The following GRIK1 variants were observed in gnomAD, a reference collection of about 807,000 sequenced individuals.
The protein encoded by GRIK1 is glutamate ionotropic receptor kainate type subunit 1, also known as glutamate receptor ionotropic, kainate 1.
GRIK1 carries 69 observed loss-of-function variants against 105.7 expected under a neutral mutation model. The observed-to-expected ratio is 0.65, with a 90% CI of 0.54 to 0.80. The LOEUF (loss-of-function observed/expected upper bound fraction) is 0.80. GRIK1 is among the 30% of genes least tolerant of loss of function. GRIK1 has a pLI of 0.00. For missense variants in GRIK1, 1,109 were observed against 1,167.3 expected (o/e 0.95, Z 0.73); for synonymous variants, 438 against 431.3 (o/e 1.02, Z -0.19).
chr21:29,750,195 G>A (rs1569046209), intron 1 of GRIK1, among the ~76,000 whole-genome samples: 1 of 151,036 alleles, frequency 6.6e-6, no homozygotes, highest in Non-Finnish European at 1.5e-5. Context: ...CCTATTTTTA[G>A]TTCCTTCTCT....
chr21:29,540,572 C>T (rs1283395081), intron 16 of GRIK1, among the ~76,000 whole-genome samples: 1 of 152,104 alleles, frequency 6.6e-6, no homozygotes. Flanking sequence ...CCCAGAGTGG[C>T]TTGGGAGGGG....
chr21:29,590,421 T>C (rs1457248098), intron 10 of GRIK1, among the ~76,000 whole-genome samples: 2 of 152,172 alleles, frequency 1.3e-5, no homozygotes, highest in East Asian at 3.8e-4. Context: ...CCGGTAGCTG[T>C]ACAGTGGCTG....
At chr21:29,704,571 G>C (rs570379322) in intron 1 of GRIK1, among the ~76,000 whole-genome samples, 1 of 152,220 alleles carries the variant, frequency 6.6e-6, no homozygotes, top group East Asian at 1.9e-4. Flanking sequence ...CCAGTAAATG[G>C]TCCTTCAGTT....
chr21:29,745,391 C>T (rs908520500), intron 1 of GRIK1, among the ~76,000 whole-genome samples: 5 of 152,194 alleles, frequency 3.3e-5, no homozygotes, highest in Non-Finnish European at 5.9e-5. Context: ...AAGCTATGCC[C>T]AGATTCCTCA....
chr21:29,795,163 G>T (rs1249185975), intron 1 of GRIK1, among the ~76,000 whole-genome samples: 1 of 149,586 alleles, frequency 6.7e-6, no homozygotes, highest in Non-Finnish European at 1.5e-5. Flanking sequence ...AGCCTCCTCA[G>T]TAGCTGGGAT....
In GRIK1 at chr21:29,854,180, C is replaced by T. The variant is rs150636828; in HGVS notation, c.118+85203G>A. ...GGTAGAAGGGGAAGGGGAGCTGCATCACATGGCAAGAGAGGAGGAAAGAGA... is the reference window on the plus strand; with the variant it reads ...GGTAGAAGGGGAAGGGGAGCTGCATTACATGGCAAGAGAGGAGGAAAGAGA... On this transcript the variant is annotated intron_variant, in intron 1 of 17. Coordinates refer to ENST00000327783, the MANE Select transcript of GRIK1 (RefSeq NM_001330994.2). 2.5e-3 allele frequency among the ~76,000 whole-genome samples: 381 copies of T among 152,176 alleles called. 2 individuals are homozygous for T. Among genetic ancestry groups the T allele is most frequent in the African/African-American group, 8.9e-3 (369 of 41,514 alleles).
At chr21:29,844,816 C>T (rs927894608) in intron 1 of GRIK1, among the ~76,000 whole-genome samples, 6 of 152,096 alleles carry the variant, frequency 3.9e-5, no homozygotes, top group Non-Finnish European at 5.9e-5. Flanking sequence ...TTGATCTTGG[C>T]TCTATTCTTT....
chr21:29,755,381 C>T (rs890868925), intron 1 of GRIK1, among the ~76,000 whole-genome samples: 1 of 152,222 alleles, frequency 6.6e-6, no homozygotes, highest in Admixed American at 6.5e-5. Flanking sequence ...CAACATGGAA[C>T]ACCATTTATC....
intron 15 of GRIK1, among the ~76,000 whole-genome samples, chr21:29,557,472 A>G (rs1258137046): frequency 1.3e-5 from 2 of 152,188 alleles, no homozygotes; most frequent in East Asian, 3.9e-4. Context: ...TGTTTTCACG[A>G]CAGTGTTCCC....
intron 7 of GRIK1, among the ~76,000 whole-genome samples, chr21:29,641,562 GTGGAA>G (rs2062511002): frequency 1.3e-5 from 2 of 152,180 alleles, no homozygotes; most frequent in African/African-American, 4.8e-5. Flanking sequence ...ATCAGTGTTA[GTGGAA>G]CTAAGATTTA....
At chr21:29,741,731 A>G (rs1601578118) in intron 1 of GRIK1, among the ~76,000 whole-genome samples, 1 of 152,202 alleles carries the variant, frequency 6.6e-6, no homozygotes, top group African/African-American at 2.4e-5. Flanking sequence ...TTTTTATTAA[A>G]CTGCCATATT....
At chr21:29,867,702 G>A (rs2068845312) in intron 1 of GRIK1, among the ~76,000 whole-genome samples, 1 of 152,074 alleles carries the variant, frequency 6.6e-6, no homozygotes, top group Non-Finnish European at 1.5e-5. Flanking sequence ...GCTGAGGCAG[G>A]AGAATCTCTT....
At chr21:29,734,142 A>G (rs1277516843) in intron 1 of GRIK1, among the ~76,000 whole-genome samples, 1 of 152,122 alleles carries the variant, frequency 6.6e-6, no homozygotes, top group Non-Finnish European at 1.5e-5. Context: ...GAAGAGGCTT[A>G]TTTAATCTGA....
chr21:29,695,835 G>C lies in GRIK1; in HGVS notation c.119-1772C>G, dbSNP rs1416943685. 2.6e-5 allele frequency among the ~76,000 whole-genome samples: 4 copies of C among 152,014 alleles called. No homozygotes were observed. In the South Asian group the frequency reaches 8.3e-4, roughly 32 times the overall value. On this transcript the variant is annotated intron_variant, in intron 1 of 17. Coordinates refer to ENST00000327783, the MANE Select transcript of GRIK1 (RefSeq NM_001330994.2). ...ATCCCTTACCAAAAGTCAGTTGTAGGTTTTACCTAACTTGTCTATGCTAGG... is the reference window on the plus strand; with the variant it reads ...ATCCCTTACCAAAAGTCAGTTGTAGCTTTTACCTAACTTGTCTATGCTAGG...
chr21:29,874,701 C>T (rs1200941680), intron 1 of GRIK1, among the ~76,000 whole-genome samples: 2 of 152,100 alleles, frequency 1.3e-5, no homozygotes, highest in African/African-American at 2.4e-5. Flanking sequence ...AGTTGGAAGA[C>T]AAATGCAGTA....
At chr21:29,905,619 A>AT (rs869179451) in intron 1 of GRIK1, among the ~76,000 whole-genome samples, 8,179 of 72,660 alleles carry the variant, frequency 0.11, 689 homozygotes, top group Non-Finnish European at 0.14. Flanking sequence ...CAAATTTTGT[A>AT]TTTTTTTTTT....
chr21:29,748,194 A>C (rs1291784416), intron 1 of GRIK1: 1 of 152,180 alleles, frequency 6.6e-6, no homozygotes, highest in African/African-American at 2.4e-5. Context: ...CTGTTGATTC[A>C]AAAGAAGGTT....
chr21:29,698,010 CTTCT>C (rs1050205896), intron 1 of GRIK1, among the ~76,000 whole-genome samples: 45 of 125,666 alleles, frequency 3.6e-4, no homozygotes, highest in African/African-American at 1.3e-3. Context: ...TCTTTCTTTC[CTTCT>C]TTCTTTCCTT....
intron 1 of GRIK1, among the ~76,000 whole-genome samples, chr21:29,831,065 C>G (rs2067622258): frequency 6.6e-6 from 1 of 152,142 alleles, no homozygotes; most frequent in African/African-American, 2.4e-5. Flanking sequence ...AAGGTGTGTA[C>G]TGTAGCATTC....
Sources: gnomAD v4.1 joint callset for allele counts (sites outside exome capture counted in the v4.1 genomes callset) on GRCh38, gnomAD v4.1.1 for gene constraint, MANE v1.5 for transcripts, NCBI Gene and HGNC (gene_info 2026-07-23, HGNC 2026-07-21) for gene names.